RGS20: variants seen among roughly 807,000 people sequenced by gnomAD.
RGS20 encodes the protein regulator of G protein signaling 20.
In RGS20, 30 loss-of-function variants were observed where a neutral mutation model predicts 33.6. The ratio of observed to expected loss-of-function variants is 0.89; its 90% CI spans 0.67 to 1.21. The LOEUF (loss-of-function observed/expected upper bound fraction) is 1.21, where lower values mean the gene tolerates loss of function less well. Among genes scored for constraint, RGS20 ranks in the 50% most tolerant of loss-of-function variants. The pLI is 0.00. For missense variants in RGS20, 472 were observed against 502.4 expected, an observed-to-expected ratio of 0.94 and a Z score of 0.58; for synonymous variants, 208 against 197.9, an observed-to-expected ratio of 1.05 and a Z score of -0.43.
chr8:53,879,276 C>A lies in RGS20; in HGVS notation c.184C>A (p.Leu62Ile). Residue 62 changes from leucine (L) to isoleucine (I), a missense_variant, in exon 2 of 6, where the codon CTC becomes ATC. By Grantham distance (5) the Leu-to-Ile change is conservative. Around this residue, in one of 3 missense-constraint regions of RGS20, gnomAD observed 319 missense variants for 283.4 expected, o/e 1.13. Transcript: ENST00000297313. ...ACCCCAGTCCTTCCCGCCTGCACAG[C>A]TCCCAGACTCGCCCGCCGCCCCGAA... 1 of 1,613,910 alleles carries A rather than the reference C, an allele frequency of 6.2e-7. No homozygotes were observed. The highest frequency in any genetic ancestry group is 8.5e-7 in the Non-Finnish European group (1 of 1,179,966).
intron 1 of RGS20, among the ~76,000 whole-genome samples, chr8:53,871,482 T>C (rs1333188263): frequency 6.6e-6 from 1 of 152,086 alleles, no homozygotes; most frequent in African/African-American, 2.4e-5. Context: ...CTGGGCTTGG[T>C]GGCTGGTGTC....
chr8:53,853,239 G>A (rs937955633), intron 1 of RGS20, among the ~76,000 whole-genome samples: 1 of 152,192 alleles, frequency 6.6e-6, no homozygotes, highest in African/African-American at 2.4e-5. Flanking sequence ...TGGTGCATAT[G>A]TATGCTGTTG....
intron 2 of RGS20, among the ~76,000 whole-genome samples, chr8:53,915,763 C>CT (rs552939545): frequency 1.6e-4 from 24 of 152,078 alleles, no homozygotes; most frequent in Non-Finnish European, 2.9e-4. Context: ...GAGTTTCTTT[C>CT]TTTTTTAAAA....
intron 4 of RGS20, among the ~76,000 whole-genome samples, chr8:53,948,309 T>C (rs924748325): frequency 7.1e-6 from 1 of 140,156 alleles, no homozygotes; most frequent in Non-Finnish European, 1.5e-5. Context: ...TATGATACAG[T>C]ATATATACAT....
chr8:53,883,645 C>A (rs888127309), intron 2 of RGS20, among the ~76,000 whole-genome samples: 7 of 152,180 alleles, frequency 4.6e-5, no homozygotes, highest in Middle Eastern at 3.4e-3. Context: ...GTAATAAGAG[C>A]ACCTACCTCG....
intron 2 of RGS20, among the ~76,000 whole-genome samples, chr8:53,882,634 A>T (rs1480814706): frequency 1.0e-4 from 14 of 137,112 alleles, no homozygotes; most frequent in African/African-American, 4.0e-4. Flanking sequence ...ACAGAGCAAG[A>T]CTCCGTCTCA....
chr8:53,878,937 G>A (rs183520851), intron 1 of RGS20, among the ~76,000 whole-genome samples: 43 of 152,252 alleles, frequency 2.8e-4, no homozygotes, highest in African/African-American at 9.6e-4. Context: ...CACATTCAGC[G>A]CGCATGGTAG....
intron 2 of RGS20, among the ~76,000 whole-genome samples, chr8:53,882,245 C>A (rs887133020): frequency 2.6e-5 from 4 of 152,132 alleles, no homozygotes; most frequent in Non-Finnish European, 4.4e-5. Context: ...ATAGGCGCCG[C>A]GACCTACCCC....
chr8:53,939,758 T>C (rs937724115), intron 3 of RGS20, 34 bp downstream of exon 2: 4 of 1,535,160 alleles, frequency 2.6e-6, no homozygotes, highest in African/African-American at 1.4e-5. Context: ...AATGTGCTCC[T>C]GACTGGGAAG....
intron 2 of RGS20, among the ~76,000 whole-genome samples, chr8:53,932,271 G>A (rs563025561): frequency 3.2e-4 from 48 of 152,206 alleles, no homozygotes; most frequent in African/African-American, 8.2e-4. Context: ...GAATGCCAGC[G>A]AGACAGAACC....
chr8:53,875,233 A>G (rs149116638), intron 1 of RGS20, among the ~76,000 whole-genome samples: 4,391 of 152,180 alleles, frequency 0.029, 207 homozygotes, highest in African/African-American at 0.099. Context: ...GAAGTTTGAG[A>G]TCAGCCTGGC....
At chr8:53,904,973 A>G (rs955831863) in intron 2 of RGS20, among the ~76,000 whole-genome samples, 34 of 152,364 alleles carry the variant, frequency 2.2e-4, no homozygotes, top group African/African-American at 8.2e-4. Flanking sequence ...CTCTTATTAT[A>G]GTCTTAAAGC....
In RGS20 at chr8:53,853,973, C is replaced by T. The variant is rs531999345; in HGVS notation, c.165+1909C>T. 1.7e-3 allele frequency among the ~76,000 whole-genome samples: 252 copies of T among 152,126 alleles called. 5 individuals are homozygous for T. In the South Asian group the frequency reaches 0.023, roughly 14 times the overall value. On this transcript the variant is annotated intron_variant, in intron 1 of 5. Coordinates refer to ENST00000297313, the MANE Select transcript of RGS20 (RefSeq NM_170587.4). ...TAATGTCTAAGAACATATATAGAGG[C>T]AGAAAGAGGGAACGTGAGCTAAAAT... is the stretch of plus-strand genomic sequence containing the variant.
At chr8:53,904,842 A>G (rs1178977846) in intron 2 of RGS20, among the ~76,000 whole-genome samples, 1 of 152,240 alleles carries the variant, frequency 6.6e-6, no homozygotes, top group African/African-American at 2.4e-5. Flanking sequence ...AAAAACATAC[A>G]TAATTTATTT....
At chr8:53,942,853 C>T (rs1021536535) in intron 3 of RGS20, among the ~76,000 whole-genome samples, 4 of 148,448 alleles carry the variant, frequency 2.7e-5, no homozygotes, top group Non-Finnish European at 4.5e-5. Context: ...AAAGTTAGCC[C>T]GGCATGGTGG....
At chr8:53,920,239 C>T (rs1813603579) in intron 2 of RGS20, among the ~76,000 whole-genome samples, 1 of 151,930 alleles carries the variant, frequency 6.6e-6, no homozygotes, top group South Asian at 2.1e-4. Context: ...TCTTATAATT[C>T]TTTTATTAAA....
chr8:53,940,777 G>A (rs1158467204), intron 3 of RGS20, among the ~76,000 whole-genome samples: 1 of 152,238 alleles, frequency 6.6e-6, no homozygotes, highest in Non-Finnish European at 1.5e-5. Context: ...GAGCTAGGCA[G>A]TGTCAAGGTG....
intron 2 of RGS20, among the ~76,000 whole-genome samples, chr8:53,889,408 CTCTCTTTTTTTTTTT>C (rs1812640038): frequency 1.1e-5 from 1 of 88,200 alleles, no homozygotes; most frequent in African/African-American, 5.1e-5. Context: ...TTCTCTCTCT[CTCTCTTTTTTTTTTT>C]TTTTTTTTTT....
At chr8:53,954,423 G>A (rs1814800457) in intron 5 of RGS20, 113 bp downstream of exon 4, 5 of 689,724 alleles carry the variant, frequency 7.2e-6, no homozygotes, top group Non-Finnish European at 1.2e-5. Context: ...CAGCACTTTG[G>A]GAGGCTGAGG....
Sources: gnomAD v4.1 joint callset for allele counts (sites outside exome capture counted in the v4.1 genomes callset) on GRCh38, gnomAD v4.1.1 for gene constraint, gnomAD v4.1.1 regional missense constraint, MANE v1.5 for transcripts, NCBI Gene and HGNC (gene_info 2026-07-23, HGNC 2026-07-21) for gene names.